The following KDM4B variants were observed in gnomAD, a reference collection of about 807,000 sequenced individuals.
KDM4B encodes the protein lysine-specific demethylase 4B.
Under a neutral mutation model 125.2 loss-of-function variants are expected in KDM4B, and 32 were observed. The observed-to-expected ratio is 0.26, with a 90% CI of 0.19 to 0.34. The LOEUF (loss-of-function observed/expected upper bound fraction) is 0.34. KDM4B is among the 10% of genes least tolerant of loss of function. The pLI is 1.00. For synonymous variants in KDM4B, 721 were observed against 677.9 expected (o/e 1.06, Z -0.99); for missense variants, 1,190 against 1,577.7 (o/e 0.75, Z 4.16).
chr19:5,066,457 G>T (rs1192962713), intron 6 of KDM4B, among the ~76,000 whole-genome samples: 1 of 152,156 alleles, frequency 6.6e-6, no homozygotes, highest in Non-Finnish European at 1.5e-5. Flanking sequence ...ATGGGCCTAG[G>T]AGCTAGTACA....
Position 5,032,912 on chromosome 19 carries a change from G to T in KDM4B, c.22G>T (p.Ala8Ser), listed in dbSNP as rs900640500. 5.0e-6 allele frequency: 8 copies of T among 1,614,016 alleles called. No homozygotes were observed. The South Asian group carries it at 7.7e-5, about 16-fold the overall frequency. Reference protein sequence around the residue: MGSEDHGAQNPSCKIMTF... With the variant: MGSEDHGSQNPSCKIMTF... The stretch of plus-strand genomic sequence containing the variant: ...AGCCATGGGGTCTGAGGACCACGGC[G>T]CCCAGAACCCCAGCTGTAAAATCAT... Residue 8 changes from alanine (A) to serine (S), a missense_variant, in exon 3 of 23, where the codon GCC becomes TCC. By Grantham distance (99) the Ala-to-Ser change is moderately conservative. Transcript: ENST00000159111.
chr19:4,969,429 C>G (rs2145255397), intron 1 of KDM4B, among the ~76,000 whole-genome samples, 199 bp downstream of exon 1: 1 of 147,624 alleles, frequency 6.8e-6, no homozygotes, highest in Middle Eastern at 3.4e-3. Flanking sequence ...CCCGGGGGCG[C>G]CCGCTGGTTT....
At chr19:5,036,692 G>A (rs2036637289) in intron 3 of KDM4B, among the ~76,000 whole-genome samples, 1 of 152,276 alleles carries the variant, frequency 6.6e-6, no homozygotes, top group South Asian at 2.1e-4. Flanking sequence ...GCACTTTCAG[G>A]GGCCGCCGGA....
intron 20 of KDM4B, 124 bp from the exon 21 acceptor site, chr19:5,144,659 C>G: frequency 7.1e-6 from 10 of 1,410,678 alleles, no homozygotes; most frequent in Non-Finnish European, 9.7e-6. Flanking sequence ...CCCGGGCCCC[C>G]GCAGCCAGCT....
chr19:4,970,605 T>C (rs1219185204), intron 1 of KDM4B, among the ~76,000 whole-genome samples: 3 of 152,182 alleles, frequency 2.0e-5, no homozygotes, highest in African/African-American at 7.2e-5. Flanking sequence ...AGCAGGCTCA[T>C]TAGACGACTC....
intron 9 of KDM4B, among the ~76,000 whole-genome samples, chr19:5,092,211 G>A (rs2038723054): frequency 6.6e-6 from 1 of 152,192 alleles, no homozygotes; most frequent in South Asian, 2.1e-4. Flanking sequence ...CGGCACTGCG[G>A]ACATTGGGGC....
chr19:4,993,413 G>GAAA (rs34075415), intron 1 of KDM4B, among the ~76,000 whole-genome samples: 3 of 144,574 alleles, frequency 2.1e-5, no homozygotes, highest in African/African-American at 7.6e-5. Context: ...CATCTCAAGG[G>GAAA]AAAAAAAAAA....
intron 1 of KDM4B, among the ~76,000 whole-genome samples, chr19:5,001,355 G>A (rs533616508): frequency 1.3e-5 from 2 of 152,238 alleles, no homozygotes; most frequent in East Asian, 3.9e-4. Flanking sequence ...TGAAAGTGGC[G>A]CTGTGCTCTG....
chr19:5,044,673 G>C (rs2036967450), intron 5 of KDM4B, among the ~76,000 whole-genome samples: 1 of 152,102 alleles, frequency 6.6e-6, no homozygotes, highest in South Asian at 2.1e-4. Flanking sequence ...TCAGCCTCCC[G>C]AGTAGCTGGG....
chr19:5,126,844 A>G (rs2039458297), intron 11 of KDM4B, among the ~76,000 whole-genome samples: 1 of 152,228 alleles, frequency 6.6e-6, no homozygotes, highest in African/African-American at 2.4e-5. Flanking sequence ...CATGGAAGCC[A>G]AGCACGAAAC....
At chr19:5,135,287 C>T (rs991343740) in intron 14 of KDM4B, 52 bp from the exon 15 acceptor site, 2 of 1,344,660 alleles carry the variant, frequency 1.5e-6, no homozygotes, top group African/African-American at 2.9e-5. Flanking sequence ...CGCCGCCCGC[C>T]CGCCTGCCCC....
chr19:4,988,737 C>T (rs947678698), intron 1 of KDM4B, among the ~76,000 whole-genome samples: 1 of 152,198 alleles, frequency 6.6e-6, no homozygotes, highest in Non-Finnish European at 1.5e-5. Context: ...GTTCCGTGCT[C>T]TCCCCGGGCT....
chr19:5,056,299 G>A (rs1469120346), intron 6 of KDM4B, among the ~76,000 whole-genome samples: 1 of 152,178 alleles, frequency 6.6e-6, no homozygotes. Context: ...CTGGTCACCC[G>A]GCTTGGGTGT....
In KDM4B at chr19:5,057,071, C is replaced by CGT. The variant is rs1386318871; in HGVS notation, c.626+9403_626+9404insTG. 6.6e-5 allele frequency among the ~76,000 whole-genome samples: 9 copies of CGT among 136,686 alleles called. 1 individual carries two copies. The highest frequency in any genetic ancestry group is 4.3e-4 in the South Asian group (2 of 4,602). The allele number at this position is 136,686 out of a possible 152,430, so 89.7% of individuals were successfully genotyped here. A position where few individuals can be genotyped will look rare whatever the true frequency, so the allele number is the denominator to read the frequency against. On this transcript the variant is annotated intron_variant, in intron 6 of 22. Transcript: ENST00000159111. ...GTGTGTGTGTGTGTGTGTGTGCGCG[C>CGT]GCGCGCGTATGTTAGCAAATGACTC...
Position 5,015,742 on chromosome 19 carries a change from C to G in KDM4B, c.-108-515C>G, listed in dbSNP as rs185932290. Among the ~76,000 whole-genome samples the G allele has an allele frequency of 3.9e-5, 6 of 152,346 alleles. No homozygotes were observed. The East Asian group carries it at 1.2e-3, about 29-fold the overall frequency. ...CACATCCAAAGTTTGGAGTTCTGTT[C>G]CGCATCCATCCTACAAGTATCTGAG... On this transcript the variant is annotated intron_variant, in intron 1 of 22. Coordinates refer to ENST00000159111, the MANE Select transcript of KDM4B (RefSeq NM_015015.3).
chr19:5,026,855 G>T (rs540139675), intron 2 of KDM4B, among the ~76,000 whole-genome samples: 46 of 152,326 alleles, frequency 3.0e-4, no homozygotes, highest in African/African-American at 1.0e-3. Context: ...CTGCCCTGGT[G>T]TCCCCATAGG....
intron 9 of KDM4B, among the ~76,000 whole-genome samples, chr19:5,103,459 G>A (rs182431460): frequency 3.2e-4 from 48 of 152,312 alleles, no homozygotes; most frequent in African/African-American, 9.4e-4. Flanking sequence ...TGAGGCCTGC[G>A]TCAAGAATAT....
At chr19:5,014,178 G>A (rs2035817586) in intron 1 of KDM4B, among the ~76,000 whole-genome samples, 1 of 152,240 alleles carries the variant, frequency 6.6e-6, no homozygotes, top group Admixed American at 6.5e-5. Context: ...ACAGGGTCTC[G>A]CTCTGTCGCC....
At chr19:5,122,040 T>C (rs1552046) in intron 11 of KDM4B, among the ~76,000 whole-genome samples, 61,609 of 151,998 alleles carry the variant, frequency 0.41, 12,693 homozygotes, top group East Asian at 0.64. Flanking sequence ...TGAAGGACCA[T>C]GACCTTGGTG....
Sources: gnomAD v4.1 joint callset for allele counts (sites outside exome capture counted in the v4.1 genomes callset) on GRCh38, gnomAD v4.1.1 for gene constraint, MANE v1.5 for transcripts, NCBI Gene and HGNC (gene_info 2026-07-23, HGNC 2026-07-21) for gene names.